WHRN: variants seen among roughly 807,000 people sequenced by gnomAD.
WHRN encodes CASK-interacting protein CIP98.
Under a neutral mutation model 68.3 loss-of-function variants are expected in WHRN, and 41 were observed. That is an observed-to-expected ratio of 0.60 (90% CI 0.47 to 0.78). WHRN has a LOEUF of 0.78. Among genes scored for constraint, WHRN ranks in the 30% least tolerant of loss-of-function variants. The pLI is 0.00. For synonymous variants in WHRN, 560 were observed against 561.3 expected (o/e 1.00, Z 0.03); for missense variants, 1,243 against 1,244.7 (o/e 1.00, Z 0.02).
chr9:114,485,578 G>A (rs1046034209), intron 1 of WHRN, among the ~76,000 whole-genome samples: 1 of 152,168 alleles, frequency 6.6e-6, no homozygotes, highest in Non-Finnish European at 1.5e-5. Context: ...TGTAATCCCA[G>A]CTACTCAGGA....
chr9:114,416,462 C>T (rs1014191685), intron 7 of WHRN, among the ~76,000 whole-genome samples: 3 of 152,194 alleles, frequency 2.0e-5, no homozygotes, highest in Non-Finnish European at 4.4e-5. Context: ...GAGCAGATTT[C>T]CCTTTTGCTG....
chr9:114,456,444 T>C (rs1839806139), intron 3 of WHRN, among the ~76,000 whole-genome samples: 2 of 152,088 alleles, frequency 1.3e-5, no homozygotes, highest in South Asian at 4.1e-4. Context: ...TGGGAAACAT[T>C]GGTTCAACCG....
At chr9:114,421,862 G>A (rs970922141) in intron 7 of WHRN, among the ~76,000 whole-genome samples, 1 of 152,220 alleles carries the variant, frequency 6.6e-6, no homozygotes, top group Non-Finnish European at 1.5e-5. Context: ...CTAGAGGAAT[G>A]CAGGGCGACT....
chr9:114,492,973 C>T (rs558089217), intron 1 of WHRN, among the ~76,000 whole-genome samples: 2 of 152,154 alleles, frequency 1.3e-5, no homozygotes, highest in African/African-American at 4.8e-5. Context: ...GCCAGGATCG[C>T]ATCACAGCAC....
chr9:114,425,104 G>T, intron 4 of WHRN, 80 bp from the exon 5 acceptor site: 2 of 1,404,962 alleles, frequency 1.4e-6, no homozygotes, highest in Non-Finnish European at 2.0e-6. Flanking sequence ...GTGACTTGGG[G>T]CAGGAAGAGC....
rs141863996 is a variant in WHRN, at chr9:114,478,647, G to C, written c.743C>G (p.Ser248Trp). The change falls in exon 2 of 12, where the codon TCG (serine) becomes TGG (tryptophan). Residue 248 changes from serine (S) to tryptophan (W), a missense_variant. Physicochemically the swap from Ser to Trp is radical, Grantham distance 177 (BLOSUM62 -3). Coordinates refer to ENST00000362057, the MANE Select transcript of WHRN (RefSeq NM_015404.4). ...DPQGRSISPP[S>W]GLPQPHGGAL... ...ACCACCGTGGGGCTGGGGCAGGCCC[G>C]AGGGTGGGGAGATGCTGCGGCCCTG... is the stretch of plus-strand genomic sequence containing the variant. 1 of 1,613,618 alleles carries C rather than the reference G, an allele frequency of 6.2e-7. No individual in the cohort carries two copies. The highest frequency in any genetic ancestry group is 1.1e-5 in the South Asian group (1 of 90,990).
intron 3 of WHRN, among the ~76,000 whole-genome samples, chr9:114,436,992 C>CT (rs1837916969): frequency 6.6e-6 from 1 of 152,086 alleles, no homozygotes; most frequent in Non-Finnish European, 1.5e-5. Context: ...AACCCTGATA[C>CT]AGAAAAGCTA....
Position 114,402,692 on chromosome 9 carries a change from A to G in WHRN, c.*62T>C, listed in dbSNP as rs958486267. ...CCCCGCAAGGAGCTTGATGAAGCCA[A>G]CGGTGGAAAGGGACTGGGACCAGGG... On this transcript the variant is annotated 3_prime_UTR_variant, in exon 12 of 12. Coordinates refer to ENST00000362057, the MANE Select transcript of WHRN (RefSeq NM_015404.4). The G allele has an allele frequency of 6.2e-6, 10 of 1,605,288 alleles. No individual in the cohort carries two copies. In the East Asian group the frequency reaches 1.6e-4, roughly 25 times the overall value.
intron 1 of WHRN, chr9:114,503,346 G>T: frequency 7.6e-6 from 2 of 262,390 alleles, no homozygotes; most frequent in Non-Finnish European, 1.2e-5. Flanking sequence ...GGGGAGGGGG[G>T]AAGGGGGAAA....
rs1240038028 is a variant in WHRN at position 114,402,139 on chromosome 9, A to C, written c.*615T>G. ...AGTCATAAGCTCTGTATATAAATAC[A>C]ATGACACTGCTGGTCACCTGCAAGG... is the stretch of plus-strand genomic sequence containing the variant. On this transcript the variant is annotated 3_prime_UTR_variant, in exon 12 of 12. Coordinates refer to ENST00000362057, the MANE Select transcript of WHRN (RefSeq NM_015404.4). 3 of 162,444 alleles carry C rather than the reference A, an allele frequency of 1.8e-5. No homozygotes were observed. The highest frequency in any genetic ancestry group is 7.2e-5 in the African/African-American group (3 of 41,584). 10.1% of individuals were successfully genotyped at this position (162,444 alleles called of 1,614,324 possible).
intron 3 of WHRN, among the ~76,000 whole-genome samples, chr9:114,444,172 T>C (rs1387972827): frequency 6.6e-6 from 1 of 152,196 alleles, no homozygotes; most frequent in African/African-American, 2.4e-5. Context: ...GAAGGGTTAG[T>C]GGGGCATCTG....
intron 6 of WHRN, 105 bp downstream of exon 6, chr9:114,424,229 G>A: frequency 3.7e-6 from 5 of 1,360,918 alleles, no homozygotes; most frequent in Non-Finnish European, 5.3e-6. Flanking sequence ...CCAGTGTTCA[G>A]TTCAGGCCTG....
intron 9 of WHRN, among the ~76,000 whole-genome samples, chr9:114,404,582 C>T (rs944398220): frequency 4.6e-5 from 7 of 152,098 alleles, no homozygotes; most frequent in Non-Finnish European, 1.0e-4. Context: ...ACATGCCCTC[C>T]AGCCACCAGT....
At chr9:114,430,813 T>A (rs1009009640) in intron 3 of WHRN, among the ~76,000 whole-genome samples, 7 of 152,166 alleles carry the variant, frequency 4.6e-5, no homozygotes, top group Non-Finnish European at 7.3e-5. Flanking sequence ...ATCTTCCCAA[T>A]CTCTTTTCAA....
chr9:114,405,430 A>G (rs1428651549), intron 9 of WHRN, among the ~76,000 whole-genome samples: 2 of 152,244 alleles, frequency 1.3e-5, no homozygotes, highest in Non-Finnish European at 2.9e-5. Flanking sequence ...GGAGATAATA[A>G]TAGTACCAAC....
At chr9:114,434,222 T>C (rs1481200258) in intron 3 of WHRN, among the ~76,000 whole-genome samples, 4 of 151,998 alleles carry the variant, frequency 2.6e-5, no homozygotes, top group Non-Finnish European at 4.4e-5. Flanking sequence ...CATGGAAGGG[T>C]CCGTGTTTCA....
At chr9:114,461,157 C>T (rs10759709) in intron 3 of WHRN, among the ~76,000 whole-genome samples, 112,155 of 151,954 alleles carry the variant, frequency 0.74, 41,626 homozygotes, top group East Asian at 0.97. Flanking sequence ...GACACTTCTA[C>T]GGAATATTTT....
chr9:114,496,505 T>G (rs551287022), intron 1 of WHRN, among the ~76,000 whole-genome samples: 45 of 152,260 alleles, frequency 3.0e-4, no homozygotes, highest in African/African-American at 1.1e-3. Context: ...AGTATTTTCT[T>G]CCAATGCCAC....
chr9:114,417,725 C>T (rs3748175), intron 7 of WHRN, among the ~76,000 whole-genome samples: 32,011 of 152,098 alleles, frequency 0.21, 3,806 homozygotes, highest in East Asian at 0.36. Flanking sequence ...GTAGACCACA[C>T]AGCGGCACTT....
Sources: allele counts gnomAD v4.1 joint callset (sites outside exome capture counted in the v4.1 genomes callset), GRCh38; gene constraint gnomAD v4.1.1; transcripts MANE v1.5; gene names NCBI Gene and HGNC (gene_info 2026-07-23, HGNC 2026-07-21).